ASCC1: variants seen among roughly 807,000 people sequenced by gnomAD.
ASCC1 encodes activating signal cointegrator 1 complex subunit 1.
Under a neutral mutation model 46.6 loss-of-function variants are expected in ASCC1, and 35 were observed. The ratio of observed to expected loss-of-function variants is 0.75; its 90% CI spans 0.57 to 0.99. ASCC1 has a LOEUF of 0.99. Among genes scored for constraint, ASCC1 ranks in the 50% least tolerant of loss-of-function variants. The pLI is 0.00. For missense variants in ASCC1, 376 were observed against 428.7 expected, an observed-to-expected ratio of 0.88 and a Z score of 1.09; for synonymous variants, 143 against 146.6, an observed-to-expected ratio of 0.98 and a Z score of 0.18.
intron 5 of ASCC1, among the ~76,000 whole-genome samples, chr10:72,172,264 A>C (rs1472016282): frequency 6.6e-6 from 1 of 151,880 alleles, no homozygotes; most frequent in Non-Finnish European, 1.5e-5. Context: ...AAATACAAAA[A>C]ATTAGCCAGG....
At chr10:72,194,376 A>G (rs1363273470) in intron 5 of ASCC1, among the ~76,000 whole-genome samples, 1 of 151,830 alleles carries the variant, frequency 6.6e-6, no homozygotes, top group East Asian at 1.9e-4. Flanking sequence ...AAAAACCAAA[A>G]ACCTTAAAAG....
chr10:72,109,483 A>G (rs1842695340), intron 9 of ASCC1, among the ~76,000 whole-genome samples: 1 of 152,198 alleles, frequency 6.6e-6, no homozygotes, highest in African/African-American at 2.4e-5. Context: ...GAATGCTCAA[A>G]TGAGCATTAG....
At chr10:72,187,272 T>C (rs531971354) in intron 5 of ASCC1, among the ~76,000 whole-genome samples, 56 of 152,350 alleles carry the variant, frequency 3.7e-4, no homozygotes, top group African/African-American at 1.3e-3. Flanking sequence ...GATATGGCCT[T>C]ATTTAAGTAC....
chr10:72,206,634 A>G (rs185873484), intron 3 of ASCC1, among the ~76,000 whole-genome samples: 2 of 152,246 alleles, frequency 1.3e-5, no homozygotes, highest in East Asian at 3.9e-4. Flanking sequence ...GAATCACCCT[A>G]TGATCTAAAA....
chr10:72,103,218 C>T (rs1841990568), intron 9 of ASCC1, among the ~76,000 whole-genome samples: 1 of 151,538 alleles, frequency 6.6e-6, no homozygotes, highest in Non-Finnish European at 1.5e-5. Flanking sequence ...CTGCAAGCTC[C>T]ACCTCCCGGG....
chr10:72,151,579 G>C (rs1359468942), intron 7 of ASCC1, among the ~76,000 whole-genome samples: 1 of 151,930 alleles, frequency 6.6e-6, no homozygotes, highest in Non-Finnish European at 1.5e-5. Flanking sequence ...ATGTACCCTA[G>C]AACTTAAAGT....
At chr10:72,125,262 G>A (rs1053937462) in intron 9 of ASCC1, among the ~76,000 whole-genome samples, 1 of 151,442 alleles carries the variant, frequency 6.6e-6, no homozygotes, top group Non-Finnish European at 1.5e-5. Flanking sequence ...TTTTTTCTAA[G>A]GCTGCCTCCC....
At chr10:72,102,517 T>A in intron 9 of ASCC1, 1 of 898,772 alleles carries the variant, frequency 1.1e-6, no homozygotes, top group East Asian at 2.7e-5. Flanking sequence ...GAACCTTTTT[T>A]GTCTATGTTA....
chr10:72,158,593 C>T (rs1589394418), intron 6 of ASCC1, among the ~76,000 whole-genome samples: 1 of 152,204 alleles, frequency 6.6e-6, no homozygotes, highest in Non-Finnish European at 1.5e-5. Context: ...TTTTTGGTCT[C>T]ATAGCATCCT....
intron 9 of ASCC1, among the ~76,000 whole-genome samples, chr10:72,124,636 G>C (rs1385735290): frequency 6.6e-6 from 1 of 151,708 alleles, no homozygotes; most frequent in East Asian, 1.9e-4. Flanking sequence ...TAGTGAGGGA[G>C]CATTTACTTC....
intron 8 of ASCC1, among the ~76,000 whole-genome samples, chr10:72,132,703 T>C (rs143058915): frequency 6.6e-6 from 1 of 151,812 alleles, no homozygotes; most frequent in Non-Finnish European, 1.5e-5. Flanking sequence ...TTACTTTCAC[T>C]AGCTCACCTT....
chr10:72,150,506 C>T (rs1848201712), intron 7 of ASCC1, among the ~76,000 whole-genome samples: 1 of 152,124 alleles, frequency 6.6e-6, no homozygotes, highest in Non-Finnish European at 1.5e-5. Flanking sequence ...TCTCTGTTCA[C>T]CAAAAGCTTT....
At chr10:72,197,830 A>G (rs1855691057) in intron 4 of ASCC1, among the ~76,000 whole-genome samples, 1 of 150,438 alleles carries the variant, frequency 6.6e-6, no homozygotes, top group Non-Finnish European at 1.5e-5. Flanking sequence ...GGCTTGAACT[A>G]GCAAGCTGGA....
intron 5 of ASCC1, among the ~76,000 whole-genome samples, chr10:72,192,935 G>A (rs1051084927): frequency 1.3e-5 from 2 of 152,188 alleles, no homozygotes; most frequent in Non-Finnish European, 2.9e-5. Flanking sequence ...ACAATAAGAT[G>A]TCACTACACA....
At chr10:72,205,133 G>A (rs946490834) in intron 3 of ASCC1, among the ~76,000 whole-genome samples, 4 of 152,316 alleles carry the variant, frequency 2.6e-5, no homozygotes, top group African/African-American at 9.6e-5. Flanking sequence ...TGATCACACA[G>A]TGGCACTCTG....
chr10:72,200,651 C>T (rs1856367237), intron 4 of ASCC1, among the ~76,000 whole-genome samples: 4 of 140,586 alleles, frequency 2.8e-5, no homozygotes, highest in South Asian at 4.3e-4. Context: ...GCAACAAGAG[C>T]GAAACTCCAT....
intron 4 of ASCC1, among the ~76,000 whole-genome samples, chr10:72,202,467 CAA>C (rs199869822): frequency 1.0e-4 from 13 of 129,970 alleles, no homozygotes; most frequent in Non-Finnish European, 1.4e-4. Flanking sequence ...GACTCTGTCT[CAA>C]AAAAAAAAAA....
rs187001596 is a variant in ASCC1, at chr10:72,174,810, C to T, written c.490-13136G>A. On this transcript the variant is annotated intron_variant, in intron 5 of 9. Transcript: ENST00000672957. Reference sequence around the variant, plus strand: ...GCAAGTCATGTCACTTCTCTAGCCTCGGCTTCCTCCTCTGTAAAATAAGGG... The same window carrying T: ...GCAAGTCATGTCACTTCTCTAGCCTTGGCTTCCTCCTCTGTAAAATAAGGG... Among the ~76,000 whole-genome samples the T allele has an allele frequency of 3.5e-4, 54 of 152,280 alleles. 3 individuals are homozygous for T. The highest frequency in any genetic ancestry group is 2.2e-3 in the Admixed American group (34 of 15,296).
At chr10:72,194,032 C>T (rs865860153) in intron 5 of ASCC1, among the ~76,000 whole-genome samples, 23 of 150,090 alleles carry the variant, frequency 1.5e-4, no homozygotes, top group Admixed American at 6.0e-4. Flanking sequence ...TTAGTAGAGA[C>T]GGGGTTTCAC....
Sources: allele counts gnomAD v4.1 joint callset (sites outside exome capture counted in the v4.1 genomes callset), GRCh38; gene constraint gnomAD v4.1.1; transcripts MANE v1.5; gene names NCBI Gene and HGNC (gene_info 2026-07-23, HGNC 2026-07-21).